PAH: variants seen among roughly 807,000 people sequenced by gnomAD.
The protein encoded by PAH is phenylalanine hydroxylase.
In PAH, 64 loss-of-function variants were observed where a neutral mutation model predicts 62.0. The observed-to-expected ratio is 1.03, with a 90% CI of 0.84 to 1.27. PAH has a LOEUF of 1.27. PAH is among the 50% of genes most tolerant of loss of function. The pLI is 0.00. For synonymous variants in PAH, 195 were observed against 196.2 expected (o/e 0.99, Z 0.05); for missense variants, 579 against 542.8 (o/e 1.07, Z -0.66).
At chr12:102,862,260 T>C (rs947108114) in intron 5 of PAH, among the ~76,000 whole-genome samples, 2 of 152,148 alleles carry the variant, frequency 1.3e-5, no homozygotes, top group Non-Finnish European at 2.9e-5. Context: ...GGAACATGGA[T>C]GGAGCTGGAG....
intron 1 of PAH, among the ~76,000 whole-genome samples, chr12:102,915,589 C>T (rs1565874398): frequency 6.6e-6 from 1 of 152,210 alleles, no homozygotes; most frequent in Non-Finnish European, 1.5e-5. Flanking sequence ...CCATGCTGAT[C>T]CCCCTTCACT....
rs1877895942 is a variant in PAH at position 102,904,590 on chromosome 12, C to G, written c.168+8201G>C. Reference sequence around the variant, plus strand: ...GAATTCTTTTCTGATAAAATACCTACTATCATACAGATTTTGACAGAATAT... The same window carrying G: ...GAATTCTTTTCTGATAAAATACCTAGTATCATACAGATTTTGACAGAATAT... On this transcript the variant is annotated intron_variant, in intron 2 of 12. Transcript: ENST00000553106. The G allele has an allele frequency of 2.2e-5, 5 of 227,782 alleles. No homozygotes were observed. The South Asian group carries it at 2.6e-4, about 12-fold the overall frequency. The allele number at this position is 227,782 out of a possible 1,614,324, so 14.1% of individuals were successfully genotyped here.
At position 102,886,405 on chromosome 12, in the gene PAH, C is replaced by A. The variant is rs138864897; in HGVS notation, c.352+8330G>T. Among the ~76,000 whole-genome samples, 196 of 152,270 alleles carry A rather than the reference C, an allele frequency of 1.3e-3. 1 individual carries two copies. Among genetic ancestry groups the A allele is most frequent in the African/African-American group, 4.5e-3 (186 of 41,552 alleles). On this transcript the variant is annotated intron_variant, in intron 3 of 12. Coordinates refer to ENST00000553106, the MANE Select transcript of PAH (RefSeq NM_000277.3). ...TAACCTGTAGGGCTATTTATTCCAA[C>A]CACCCACCTAAATTACAACTACCCT...
chr12:102,882,050 T>C (rs1262724461), intron 3 of PAH, among the ~76,000 whole-genome samples: 2 of 152,256 alleles, frequency 1.3e-5, no homozygotes, highest in Admixed American at 1.3e-4. Context: ...TTTTCCATAA[T>C]GGCTGTGCCA....
chr12:102,943,547 G>A (rs146788167), intron 1 of PAH, among the ~76,000 whole-genome samples: 26 of 152,074 alleles, frequency 1.7e-4, no homozygotes, highest in African/African-American at 6.0e-4. Flanking sequence ...ACTACCATTC[G>A]ACCCAGCATT....
chr12:102,872,531 C>T (rs745483168), intron 4 of PAH, among the ~76,000 whole-genome samples: 1 of 152,106 alleles, frequency 6.6e-6, no homozygotes, highest in Non-Finnish European at 1.5e-5. Context: ...GACAGGGCCT[C>T]AGGTGGAGAA....
upstream of PAH, among the ~76,000 whole-genome samples, chr12:102,919,551 TA>T (rs545378982): frequency 3.9e-4 from 60 of 152,328 alleles, no homozygotes; most frequent in African/African-American, 1.4e-3. Flanking sequence ...ATTCTTTCTA[TA>T]TTTTTTTGTA....
At chr12:102,845,424 A>G (rs1030874781) in intron 9 of PAH, among the ~76,000 whole-genome samples, 16 of 152,210 alleles carry the variant, frequency 1.1e-4, no homozygotes, top group African/African-American at 3.9e-4. Flanking sequence ...CTGGGTAGTG[A>G]TAGAATCAGT....
chr12:102,913,777 A>C lies in PAH; in HGVS notation c.61-879T>G, dbSNP rs1451485961. ...AACTTAGTCTTAAACTAAATCTCAAAGAATGTCCAGGATCTAGCACTTACT... is the reference window on the plus strand; with the variant it reads ...AACTTAGTCTTAAACTAAATCTCAACGAATGTCCAGGATCTAGCACTTACT... On this transcript the variant is annotated intron_variant, in intron 1 of 12. Coordinates refer to ENST00000553106, the MANE Select transcript of PAH (RefSeq NM_000277.3). The C allele has an allele frequency of 7.1e-6, 5 of 700,056 alleles. 1 individual carries two copies. In the South Asian group the frequency reaches 7.5e-5, roughly 10 times the overall value. 43.4% of individuals were successfully genotyped at this position (700,056 alleles called of 1,614,324 possible).
upstream of PAH, among the ~76,000 whole-genome samples, chr12:102,954,236 C>T (rs549982853): frequency 6.6e-6 from 1 of 152,316 alleles, no homozygotes; most frequent in African/African-American, 2.4e-5. Context: ...TCTCCATCAT[C>T]TTAATATGCC....
At chr12:102,892,408 G>A (rs1196754739) in intron 3 of PAH, among the ~76,000 whole-genome samples, 1 of 152,076 alleles carries the variant, frequency 6.6e-6, no homozygotes, top group Non-Finnish European at 1.5e-5. Flanking sequence ...TTTTAAAGAA[G>A]TTAACCTCAG....
chr12:102,850,815 T>C (rs1396112625), intron 8 of PAH, among the ~76,000 whole-genome samples: 1 of 152,090 alleles, frequency 6.6e-6, no homozygotes, highest in Non-Finnish European at 1.5e-5. Flanking sequence ...TGGCCAGGTG[T>C]GGTGGCTCTT....
intron 9 of PAH, among the ~76,000 whole-genome samples, chr12:102,845,609 T>G (rs2136638201): frequency 6.6e-6 from 1 of 152,330 alleles, no homozygotes; most frequent in Admixed American, 6.5e-5. Flanking sequence ...AACCCAGAGC[T>G]CAGTTAGCTG....
intron 1 of PAH, among the ~76,000 whole-genome samples, chr12:102,923,898 T>A (rs1462569575): frequency 6.6e-6 from 1 of 152,206 alleles, no homozygotes; most frequent in East Asian, 1.9e-4. Flanking sequence ...CATACCTTTG[T>A]CCTGCCAATG....
At chr12:102,907,057 G>T (rs570473237) in intron 2 of PAH, among the ~76,000 whole-genome samples, 5 of 152,176 alleles carry the variant, frequency 3.3e-5, no homozygotes, top group Admixed American at 6.5e-5. Context: ...CTTAAGAAAT[G>T]ATATGTTAAT....
chr12:102,930,322 C>T (rs1284269169), intron 1 of PAH, among the ~76,000 whole-genome samples: 1 of 152,050 alleles, frequency 6.6e-6, no homozygotes, highest in Non-Finnish European at 1.5e-5. Context: ...AGCTCTGAGG[C>T]TCTTAGAGGA....
intron 4 of PAH, among the ~76,000 whole-genome samples, chr12:102,874,335 T>C (rs1440624284): frequency 6.6e-6 from 1 of 152,234 alleles, no homozygotes; most frequent in Non-Finnish European, 1.5e-5. Flanking sequence ...AGCTCCCTCC[T>C]GCACTGCTTT....
chr12:102,906,544 T>C (rs77370166), intron 2 of PAH, among the ~76,000 whole-genome samples: 3,645 of 152,350 alleles, frequency 0.024, 138 homozygotes, highest in African/African-American at 0.081. Flanking sequence ...ACCTGATCTA[T>C]ATGTATCAGC....
At chr12:102,841,302 G>A (rs1394102820) in intron 11 of PAH, among the ~76,000 whole-genome samples, 3 of 152,170 alleles carry the variant, frequency 2.0e-5, no homozygotes, top group Non-Finnish European at 4.4e-5. Flanking sequence ...TTAACAAGAT[G>A]TTGCAAAGTA....
Sources: allele counts gnomAD v4.1 joint callset (sites outside exome capture counted in the v4.1 genomes callset), GRCh38; gene constraint gnomAD v4.1.1; transcripts MANE v1.5; gene names NCBI Gene and HGNC (gene_info 2026-07-23, HGNC 2026-07-21).